Variants in KAT7 observed in about 807,000 individuals in gnomAD.
KAT7 encodes histone acetyltransferase KAT7.
Under a neutral mutation model 82.1 loss-of-function variants are expected in KAT7, and 10 were observed. The observed-to-expected ratio is 0.12, with a 90% CI of 0.08 to 0.21. KAT7 has a LOEUF of 0.21. KAT7 is among the 10% of genes least tolerant of loss of function. The pLI is 1.00. For missense variants in KAT7, 378 were observed against 760.9 expected, an observed-to-expected ratio of 0.50 and a Z score of 5.92; for synonymous variants, 250 against 262.5, an observed-to-expected ratio of 0.95 and a Z score of 0.46.
intron 7 of KAT7, 34 bp downstream of exon 7, chr17:49,811,608 C>T: frequency 2.8e-6 from 3 of 1,066,712 alleles, no homozygotes; most frequent in Non-Finnish European, 4.0e-6. Flanking sequence ...TGAGCATGAA[C>T]TCCTGCTATC....
chr17:49,817,952 T>C lies in KAT7; in HGVS notation c.1096T>C (p.Tyr366His), dbSNP rs2074254339. Reference sequence around the variant, plus strand: ...AGAATATGCACGGCTGGGACGTCTCTATATGTGTGAATTCTGTTTAAAATA... The same window carrying C: ...AGAATATGCACGGCTGGGACGTCTCCATATGTGTGAATTCTGTTTAAAATA... ...PEEYARLGRL[Y>H]MCEFCLKYMK... Residue 366 changes from tyrosine (Y) to histidine (H), a missense_variant, in exon 9 of 15, where the codon TAT becomes CAT. Physicochemically the swap from Tyr to His is moderately conservative, Grantham distance 83. Coordinates refer to ENST00000259021, the MANE Select transcript of KAT7 (RefSeq NM_007067.5). The C allele has an allele frequency of 6.2e-7, 1 of 1,613,888 alleles. No individual in the cohort carries two copies. Among genetic ancestry groups the C allele is most frequent in the Middle Eastern group, 1.7e-4 (1 of 6,052 alleles).
intron 7 of KAT7, 62 bp downstream of exon 7, chr17:49,811,636 C>T: frequency 1.2e-6 from 1 of 809,930 alleles, no homozygotes; most frequent in Non-Finnish European, 1.8e-6. Context: ...ATTCCTTTTG[C>T]TTTCTGAGCT....
chr17:49,809,038 G>C, intron 5 of KAT7, 81 bp from the exon 6 acceptor site: 1 of 1,042,868 alleles, frequency 9.6e-7, no homozygotes, highest in Non-Finnish European at 1.5e-6. Flanking sequence ...TAAATCCAAG[G>C]CATTATCATT....
rs1002558972 is a variant in KAT7 at position 49,834,558 on chromosome 17, G to A, written c.*7056G>A. 2.0e-5 allele frequency: 3 copies of A among 152,242 alleles called. No homozygotes were observed. Among genetic ancestry groups the A allele is most frequent in the African/African-American group, 7.2e-5 (3 of 41,448 alleles). 9.4% of individuals were successfully genotyped at this position (152,242 alleles called of 1,614,324 possible). A position where few individuals can be genotyped will look rare whatever the true frequency, so the allele number is the denominator to read the frequency against. On this transcript the variant is annotated 3_prime_UTR_variant, in exon 15 of 15. Coordinates refer to ENST00000259021, the MANE Select transcript of KAT7 (RefSeq NM_007067.5). ...TCCTGGCTTTCAAGTCTTTCCGTAA[G>A]CTGACTCAACCTACATAGCTTTCAT...
At chr17:49,819,160 T>A (rs1391070526) in intron 9 of KAT7, among the ~76,000 whole-genome samples, 6 of 152,192 alleles carry the variant, frequency 3.9e-5, no homozygotes, top group Admixed American at 6.5e-5. Flanking sequence ...AGGTTTCCTG[T>A]GATTTCTGTC....
intron 14 of KAT7, chr17:49,827,104 G>A (rs1684035639): frequency 1.7e-5 from 8 of 460,368 alleles, no homozygotes; most frequent in Non-Finnish European, 3.1e-5. Flanking sequence ...TTGCCCATCT[G>A]TAGAGGAATC....
chr17:49,796,256 T>C (rs1383736603), intron 2 of KAT7, among the ~76,000 whole-genome samples: 3 of 152,202 alleles, frequency 2.0e-5, no homozygotes, highest in Non-Finnish European at 4.4e-5. Flanking sequence ...TGTTGTTATA[T>C]CTTTGGTAAT....
At chr17:49,807,172 G>A (rs1050535183) in intron 5 of KAT7, among the ~76,000 whole-genome samples, 2 of 152,142 alleles carry the variant, frequency 1.3e-5, no homozygotes, top group Admixed American at 1.3e-4. Flanking sequence ...TCTCACAGGG[G>A]GAGGCAACAT....
In KAT7 at chr17:49,828,336, T is replaced by C. The variant is rs533047263; in HGVS notation, c.*834T>C. 1 of 152,326 alleles carries C rather than the reference T, an allele frequency of 6.6e-6. No homozygotes were observed. The highest frequency in any genetic ancestry group is 6.5e-5 in the Admixed American group (1 of 15,300). The allele number at this position is 152,326 out of a possible 1,614,324, so 9.4% of individuals were successfully genotyped here. A position where few individuals can be genotyped will look rare whatever the true frequency, so the allele number is the denominator to read the frequency against. ...TTTACGTTTGCAGGTGCCAAAGTAATGTCCACTTTTCCCTTTCATGCTGCA... is the reference window on the plus strand; with the variant it reads ...TTTACGTTTGCAGGTGCCAAAGTAACGTCCACTTTTCCCTTTCATGCTGCA... On this transcript the variant is annotated 3_prime_UTR_variant, in exon 15 of 15. Transcript: ENST00000259021.
chr17:49,822,413 TAG>T (rs1178636816), intron 11 of KAT7, among the ~76,000 whole-genome samples: 1 of 152,046 alleles, frequency 6.6e-6, no homozygotes, highest in Non-Finnish European at 1.5e-5. Context: ...GTGATTTTAG[TAG>T]AGATGGTGTT....
intron 2 of KAT7, among the ~76,000 whole-genome samples, chr17:49,794,060 G>A (rs556290898): frequency 4.6e-5 from 7 of 152,116 alleles, no homozygotes; most frequent in Non-Finnish European, 1.0e-4. Flanking sequence ...TGAGACTATG[G>A]ATAAATAGCT....
intron 7 of KAT7, among the ~76,000 whole-genome samples, chr17:49,814,162 G>A (rs1235736543): frequency 6.6e-6 from 1 of 152,172 alleles, no homozygotes; most frequent in Non-Finnish European, 1.5e-5. Flanking sequence ...AAGGTGCTAG[G>A]ATTACAGGTG....
intron 2 of KAT7, among the ~76,000 whole-genome samples, chr17:49,792,339 G>A (rs1344113289): frequency 6.6e-6 from 1 of 152,186 alleles, no homozygotes; most frequent in Admixed American, 6.5e-5. Context: ...GTCTCCATCA[G>A]TAAAATTGGA....
intron 9 of KAT7, among the ~76,000 whole-genome samples, chr17:49,820,747 CTTTTTTTT>C (rs776024422): frequency 1.0e-5 from 1 of 99,094 alleles, no homozygotes; most frequent in African/African-American, 3.9e-5. Flanking sequence ...GGCTGCTTGC[CTTTTTTTT>C]TTTTTTTTTT....
Position 49,816,043 on chromosome 17 carries a change from C to T in KAT7, c.963+130C>T, listed in dbSNP as rs1318386621. On this transcript the variant is annotated intron_variant, in intron 8 of 14. Transcript: ENST00000259021. ...TTCTGGAATCTCTTTCCCTGTCTCC[C>T]AGCTGTCCCTTTTTGGAGACTAGCC... 12 of 609,918 alleles carry T rather than the reference C, an allele frequency of 2.0e-5. No homozygotes were observed. In the Admixed American group the frequency reaches 3.4e-4, roughly 17 times the overall value. 37.8% of individuals were successfully genotyped at this position (609,918 alleles called of 1,614,324 possible). A position where few individuals can be genotyped will look rare whatever the true frequency, so the allele number is the denominator to read the frequency against.
At position 49,811,498 on chromosome 17, in the gene KAT7, G is replaced by A. The variant is rs1000080818; in HGVS notation, c.776G>A (p.Arg259Gln). 20 of 1,539,404 alleles carry A rather than the reference G, an allele frequency of 1.3e-5. No individual in the cohort carries two copies. The highest frequency in any genetic ancestry group is 1.8e-5 in the Non-Finnish European group (20 of 1,138,946). ...TAGGCACCAACGGAGAGACAGCTTCGATATAAGGAAAAAGTGGCTGAACTC... is the reference window on the plus strand; with the variant it reads ...TAGGCACCAACGGAGAGACAGCTTCAATATAAGGAAAAAGTGGCTGAACTC... Reference protein sequence around the residue: ...RHQAPTERQLRYKEKVAELRK... With the variant: ...RHQAPTERQLQYKEKVAELRK... Residue 259 changes from arginine (R) to glutamine (Q), a missense_variant, in exon 7 of 15, where the codon CGA (arginine) becomes CAA (glutamine). Physicochemically the swap from Arg to Gln is conservative, Grantham distance 43. This residue lies in a region of KAT7 where 102 missense variants were observed against 129.8 expected (regional missense o/e 0.79). Transcript: ENST00000259021.
rs1403334789 is a variant in KAT7 at position 49,795,992 on chromosome 17, C to CA, written c.164-751dup. Among the ~76,000 whole-genome samples the CA allele has an allele frequency of 6.6e-5, 10 of 151,802 alleles. 1 individual carries two copies. The East Asian group carries it at 1.5e-3, about 23-fold the overall frequency. On this transcript the variant is annotated intron_variant, in intron 2 of 14. Transcript: ENST00000259021. ...ATGTCTCTTTATAAAAAAAAAAGCA[C>CA]AAAAAAACTAAAACATATCTACATA...
chr17:49,804,272 A>G lies in KAT7; in HGVS notation c.581-1091A>G, dbSNP rs908535789. 1.2e-3 allele frequency among the ~76,000 whole-genome samples: 186 copies of G among 151,816 alleles called. 3 individuals carry two copies. The highest frequency in any genetic ancestry group is 2.4e-4 in the Non-Finnish European group (16 of 67,924). ...CAGGCGCCTGTAGTCCCAGCTACTCAGGAGGCTGAGGCGGGAGAATGGCGT... is the reference window on the plus strand; with the variant it reads ...CAGGCGCCTGTAGTCCCAGCTACTCGGGAGGCTGAGGCGGGAGAATGGCGT... On this transcript the variant is annotated intron_variant, in intron 4 of 14. Transcript: ENST00000259021.
chr17:49,827,311 A>T (rs561686812), intron 14 of KAT7, 90 bp from the exon 15 acceptor site: 1 of 787,086 alleles, frequency 1.3e-6, no homozygotes. Context: ...ACCTTTGGCA[A>T]TTCCTTCTTG....
Sources: gnomAD v4.1 joint callset for allele counts (sites outside exome capture counted in the v4.1 genomes callset) on GRCh38, gnomAD v4.1.1 for gene constraint, gnomAD v4.1.1 regional missense constraint, MANE v1.5 for transcripts, NCBI Gene and HGNC (gene_info 2026-07-23, HGNC 2026-07-21) for gene names.